CECR2: variants seen among roughly 807,000 people sequenced by gnomAD.
CECR2 encodes the protein CECR2 histone acetyl-lysine reader.
Under a neutral mutation model 154.5 loss-of-function variants are expected in CECR2, and 30 were observed. The ratio of observed to expected loss-of-function variants is 0.19; its 90% CI spans 0.15 to 0.26. The LOEUF (loss-of-function observed/expected upper bound fraction) is 0.26. CECR2 is among the 10% of genes least tolerant of loss of function. The probability of loss-of-function intolerance (pLI) is 1.00; values close to 1 mark genes in which losing one functional copy is unlikely to be tolerated. For missense variants in CECR2, 1,743 were observed against 1,829.3 expected, an observed-to-expected ratio of 0.95 and a Z score of 0.86; for synonymous variants, 725 against 683.7, an observed-to-expected ratio of 1.06 and a Z score of -0.94.
chr22:17,547,738 C>G (rs1365431329), intron 16 of CECR2, among the ~76,000 whole-genome samples: 1 of 152,166 alleles, frequency 6.6e-6, no homozygotes, highest in Admixed American at 6.5e-5. Context: ...ATGCCCTGTT[C>G]TTTCTGGTTG....
At chr22:17,440,717 C>T (rs16982467) in intron 1 of CECR2, among the ~76,000 whole-genome samples, 1,756 of 152,100 alleles carry the variant, frequency 0.012, 37 homozygotes, top group African/African-American at 0.04. Flanking sequence ...TTCAAGTCTC[C>T]GAACAGATTT....
At chr22:17,431,027 G>A (rs1440769020) in intron 1 of CECR2, among the ~76,000 whole-genome samples, 2 of 152,114 alleles carry the variant, frequency 1.3e-5, no homozygotes, top group African/African-American at 2.4e-5. Context: ...ACAACTTAAA[G>A]GGAATCTTGG....
chr22:17,414,383 G>A (rs937125839), intron 1 of CECR2, among the ~76,000 whole-genome samples: 4 of 151,474 alleles, frequency 2.6e-5, no homozygotes, highest in Admixed American at 6.6e-5. Context: ...CCCTAAGTTG[G>A]CAAATTATAT....
intron 1 of CECR2, among the ~76,000 whole-genome samples, chr22:17,448,829 C>T (rs893893220): frequency 6.6e-6 from 1 of 151,900 alleles, no homozygotes; most frequent in Non-Finnish European, 1.5e-5. Context: ...TACTGTCAGG[C>T]CTTCTGTTCT....
chr22:17,501,545 G>A (rs1371525109), intron 5 of CECR2, among the ~76,000 whole-genome samples: 3 of 151,274 alleles, frequency 2.0e-5, no homozygotes, highest in Non-Finnish European at 2.9e-5. Context: ...GCGACACAGC[G>A]ATACTCCATC....
chr22:17,381,817 A>G (rs1460036172), intron 1 of CECR2, among the ~76,000 whole-genome samples: 1 of 152,094 alleles, frequency 6.6e-6, no homozygotes, highest in African/African-American at 2.4e-5. Flanking sequence ...TTCCTGGAGG[A>G]AGCATCATGC....
chr22:17,517,250 C>T (rs952580700), intron 8 of CECR2, among the ~76,000 whole-genome samples: 2 of 112,838 alleles, frequency 1.8e-5, no homozygotes, highest in South Asian at 2.4e-4. Flanking sequence ...GGCTCTATCT[C>T]TCTTGCTTCG....
chr22:17,429,267 C>A (rs2054382141), intron 1 of CECR2, among the ~76,000 whole-genome samples: 1 of 151,732 alleles, frequency 6.6e-6, no homozygotes, highest in South Asian at 2.1e-4. Flanking sequence ...ATGAAGGGAA[C>A]TAATAGATTG....
intron 1 of CECR2, among the ~76,000 whole-genome samples, chr22:17,429,000 A>C (rs576194340): frequency 9.2e-5 from 14 of 152,116 alleles, no homozygotes; most frequent in Admixed American, 8.5e-4. Context: ...GTGTGAGTCT[A>C]TTGTTTTTCA....
Position 17,542,340 on chromosome 22 carries a change from T to A in CECR2, c.2197T>A (p.Phe733Ile). The change falls in exon 16 of 19, where the codon TTC becomes ATC. Residue 733 changes from phenylalanine (F) to isoleucine (I), a missense_variant. Coordinates refer to ENST00000262608, the MANE Select transcript of CECR2 (RefSeq NM_001290047.2). ...TGCTCCAGCTCAGTTCCAGCCAGGATTCATTCCTCCCCGGCATGGGGGGGC... is the reference window on the plus strand; with the variant it reads ...TGCTCCAGCTCAGTTCCAGCCAGGAATCATTCCTCCCCGGCATGGGGGGGC... The part of the protein sequence containing the change: ...MYAPAQFQPG[F>I]IPPRHGGAPA... 1 of 1,613,728 alleles carries A rather than the reference T, an allele frequency of 6.2e-7. No homozygotes were observed. Among genetic ancestry groups the A allele is most frequent in the South Asian group, 1.1e-5 (1 of 91,028 alleles).
chr22:17,458,341 G>A (rs1438687826), intron 1 of CECR2, among the ~76,000 whole-genome samples: 1 of 151,468 alleles, frequency 6.6e-6, no homozygotes, highest in East Asian at 1.9e-4. Context: ...TTGAACCCAA[G>A]AGTTGGAGGT....
chr22:17,511,945 C>G, intron 8 of CECR2, 49 bp downstream of exon 8: 1 of 1,392,112 alleles, frequency 7.2e-7, no homozygotes, highest in Non-Finnish European at 9.9e-7. Flanking sequence ...ATGAAAGAGA[C>G]GGATCCTTTT....
At position 17,554,062 on chromosome 22, in the gene CECR2, G is replaced by A. The variant is rs900414232; in HGVS notation, c.*1222G>A. ...CATGGTGATTTAAAATAGCTATCAA[G>A]AACAAGTTCTTGGAATTATCTGTTG... On this transcript the variant is annotated 3_prime_UTR_variant, in exon 19 of 19. Transcript: ENST00000262608. 4 of 152,118 alleles carry A rather than the reference G, an allele frequency of 2.6e-5. No individual in the cohort carries two copies. The highest frequency in any genetic ancestry group is 9.7e-5 in the African/African-American group (4 of 41,412). 9.4% of individuals were successfully genotyped at this position (152,118 alleles called of 1,614,324 possible). A position where few individuals can be genotyped will look rare whatever the true frequency, so the allele number is the denominator to read the frequency against.
chr22:17,553,142 C>A lies in CECR2; in HGVS notation c.*302C>A. On this transcript the variant is annotated 3_prime_UTR_variant, in exon 19 of 19. Transcript: ENST00000262608. ...CTTTTCCAAATCCTGAGACACTTTTCAGGGAAAATCACTTTAAACTTGGGG... is the reference window on the plus strand; with the variant it reads ...CTTTTCCAAATCCTGAGACACTTTTAAGGGAAAATCACTTTAAACTTGGGG... 1 of 374,210 alleles carries A rather than the reference C, an allele frequency of 2.7e-6. No homozygotes were observed. The highest frequency in any genetic ancestry group is 4.4e-6 in the Non-Finnish European group (1 of 228,564). The allele number at this position is 374,210 out of a possible 1,614,324, so 23.2% of individuals were successfully genotyped here.
Position 17,549,462 on chromosome 22 carries a change from G to C in CECR2, c.4175G>C (p.Cys1392Ser). 6.2e-7 allele frequency: 1 copy of C among 1,611,652 alleles called. No homozygotes were observed. Among genetic ancestry groups the C allele is most frequent in the Non-Finnish European group, 8.5e-7 (1 of 1,178,826 alleles). Residue 1392 changes from cysteine (C) to serine (S), a missense_variant, in exon 17 of 19, where the codon TGC becomes TCC. By Grantham distance (112) the Cys-to-Ser change is moderately radical (BLOSUM62 -1). Coordinates refer to ENST00000262608, the MANE Select transcript of CECR2 (RefSeq NM_001290047.2). ...GLSQEGPIYR[C>S]QEEGLGHFQA... ...TCTCAGGAGGGTCCCATCTATCGCTGCCAGGAAGAAGGCCTGGGTCACTTT... is the reference window on the plus strand; with the variant it reads ...TCTCAGGAGGGTCCCATCTATCGCTCCCAGGAAGAAGGCCTGGGTCACTTT...
chr22:17,503,412 CAA>C (rs1432301004), intron 6 of CECR2, among the ~76,000 whole-genome samples: 2 of 152,160 alleles, frequency 1.3e-5, no homozygotes, highest in Non-Finnish European at 2.9e-5. Context: ...ACCAGCTTCT[CAA>C]AGAGAGGTCT....
At chr22:17,397,699 G>A (rs1011715103) in intron 1 of CECR2, among the ~76,000 whole-genome samples, 1 of 151,872 alleles carries the variant, frequency 6.6e-6, no homozygotes, top group African/African-American at 2.4e-5. Context: ...GGGTTTCACT[G>A]TGTTAGCCAG....
At chr22:17,402,015 G>A (rs1240518667) in intron 1 of CECR2, among the ~76,000 whole-genome samples, 1 of 152,024 alleles carries the variant, frequency 6.6e-6, no homozygotes, top group African/African-American at 2.4e-5. Flanking sequence ...ACAGAGTCTC[G>A]CTCTTTTGCC....
intron 8 of CECR2, 107 bp downstream of exon 8, chr22:17,512,003 A>G (rs1601490290): frequency 4.7e-6 from 4 of 847,540 alleles, no homozygotes; most frequent in Middle Eastern, 2.4e-4. Context: ...TTTTTTTCCT[A>G]AACCCCAAAT....
Sources: gnomAD v4.1 joint callset for allele counts (sites outside exome capture counted in the v4.1 genomes callset) on GRCh38, gnomAD v4.1.1 for gene constraint, MANE v1.5 for transcripts, NCBI Gene and HGNC (gene_info 2026-07-23, HGNC 2026-07-21) for gene names.